Variants in PRKG1 observed in about 807,000 individuals in gnomAD.
The protein encoded by PRKG1 is protein kinase cGMP-dependent 1.
A neutral mutation model predicts 88.1 loss-of-function variants in PRKG1; 35 were observed. The ratio of observed to expected loss-of-function variants is 0.40; its 90% CI spans 0.30 to 0.53. The LOEUF is 0.53. PRKG1 is among the 20% of genes least tolerant of loss of function. The pLI is 0.59. For synonymous variants in PRKG1, 303 were observed against 292.5 expected (o/e 1.04, Z -0.37); for missense variants, 540 against 839.8 (o/e 0.64, Z 4.41).
intron 4 of PRKG1, among the ~76,000 whole-genome samples, chr10:51,834,240 A>G (rs530880645): frequency 3.3e-5 from 5 of 152,244 alleles, no homozygotes; most frequent in African/African-American, 4.8e-5. Flanking sequence ...CATCTTTATG[A>G]TACCTCCTGC....
chr10:51,684,647 T>G (rs184563493), intron 3 of PRKG1, among the ~76,000 whole-genome samples: 19 of 151,990 alleles, frequency 1.3e-4, no homozygotes, highest in Admixed American at 2.0e-4. Flanking sequence ...GGGCAACAGA[T>G]AGTTTGAGCT....
At chr10:51,350,400 T>G (rs1043480376) in intron 2 of PRKG1, among the ~76,000 whole-genome samples, 7 of 152,172 alleles carry the variant, frequency 4.6e-5, no homozygotes, top group Non-Finnish European at 1.0e-4. Context: ...GGATGCTAAC[T>G]AAATAACTCA....
At chr10:52,094,075 T>C (rs889294419) in intron 7 of PRKG1, among the ~76,000 whole-genome samples, 13 of 152,152 alleles carry the variant, frequency 8.5e-5, no homozygotes, top group African/African-American at 3.1e-4. Context: ...AAGAAAATCA[T>C]ACAAACTGGG....
intron 9 of PRKG1, among the ~76,000 whole-genome samples, chr10:52,181,153 G>A (rs1402611775): frequency 6.6e-6 from 1 of 152,138 alleles, no homozygotes; most frequent in Non-Finnish European, 1.5e-5. Context: ...CTCAGGACCA[G>A]AATGGGGTTT....
chr10:52,185,060 A>G (rs1028921672), intron 9 of PRKG1: 2 of 152,234 alleles, frequency 1.3e-5, no homozygotes, highest in African/African-American at 4.8e-5. Context: ...ATTGCAAAAT[A>G]TAATCCTCCC....
Position 52,089,804 on chromosome 10 carries a change from C to CTTTTTTTTTTTTTTTTTTTTTT in PRKG1, c.935+27176_935+27197dup, listed in dbSNP as rs397846439. Among the ~76,000 whole-genome samples the CTTTTTTTTTTTTTTTTTTTTTT allele has an allele frequency of 1.3e-3, 86 of 67,734 alleles. 10 individuals are homozygous for CTTTTTTTTTTTTTTTTTTTTTT. The highest frequency in any genetic ancestry group is 4.5e-3 in the East Asian group (7 of 1,564). 44.4% of individuals were successfully genotyped at this position (67,734 alleles called of 152,430 possible). A position where few individuals can be genotyped will look rare whatever the true frequency, so the allele number is the denominator to read the frequency against. On this transcript the variant is annotated intron_variant, in intron 7 of 17. Transcript: ENST00000373980. ...GGCTTAGATTATTGTTTCTTTCCTT[C>CTTTTTTTTTTTTTTTTTTTTTT]TTTTTTTTTTTTTTTTTTTTTTTTG...
chr10:51,259,765 C>T lies in PRKG1; in HGVS notation c.478+106435C>T, dbSNP rs993637250. Among the ~76,000 whole-genome samples the T allele has an allele frequency of 1.4e-4, 22 of 152,262 alleles. No homozygotes were observed. The East Asian group carries it at 2.5e-3, about 17-fold the overall frequency. On this transcript the variant is annotated intron_variant, in intron 2 of 17. Transcript: ENST00000373980. ...TGCTGCGATTACAGGCATGAGCCACCGCGCCTGGCCCTCATCCCTTTTTTA... is the reference window on the plus strand; with the variant it reads ...TGCTGCGATTACAGGCATGAGCCACTGCGCCTGGCCCTCATCCCTTTTTTA...
intron 5 of PRKG1, among the ~76,000 whole-genome samples, chr10:51,949,989 T>C: frequency 6.6e-6 from 1 of 152,190 alleles, no homozygotes; most frequent in East Asian, 1.9e-4. Flanking sequence ...AGGAAGGTGA[T>C]AGCTGCTACA....
intron 4 of PRKG1, among the ~76,000 whole-genome samples, chr10:51,817,162 G>C (rs1022123126): frequency 7.9e-5 from 12 of 151,960 alleles, no homozygotes; most frequent in Non-Finnish European, 1.5e-4. Flanking sequence ...TTGGGGCAGC[G>C]GGGCCCAAAG....
At chr10:51,408,105 A>T (rs973685616) in intron 2 of PRKG1, among the ~76,000 whole-genome samples, 1 of 152,154 alleles carries the variant, frequency 6.6e-6, no homozygotes, top group African/African-American at 2.4e-5. Flanking sequence ...TGCCACTTCC[A>T]CTTCCACCCC....
intron 2 of PRKG1, among the ~76,000 whole-genome samples, chr10:51,354,588 A>G (rs1417348118): frequency 1.3e-5 from 2 of 152,172 alleles, no homozygotes; most frequent in African/African-American, 2.4e-5. Flanking sequence ...GTAAAAATCA[A>G]CTACACACTG....
chr10:51,132,104 T>TA (rs537947724), intron 1 of PRKG1, among the ~76,000 whole-genome samples: 150 of 152,070 alleles, frequency 9.9e-4, no homozygotes, highest in Non-Finnish European at 1.8e-3. Context: ...TTTGAAGTAT[T>TA]AAAAAAAATG....
At chr10:51,996,176 G>A (rs749462188) in intron 5 of PRKG1, among the ~76,000 whole-genome samples, 3 of 151,810 alleles carry the variant, frequency 2.0e-5, no homozygotes, top group Non-Finnish European at 4.4e-5. Flanking sequence ...AGCCGGGCAC[G>A]TGGTGGCGCA....
At chr10:51,230,739 G>T (rs1838822543) in intron 2 of PRKG1, among the ~76,000 whole-genome samples, 1 of 151,826 alleles carries the variant, frequency 6.6e-6, no homozygotes, top group African/African-American at 2.4e-5. Context: ...GCAAGTAAAT[G>T]CTATGTAAAT....
chr10:51,074,942 C>G (rs1441831804), intron 1 of PRKG1, 41 bp downstream of exon 1: 1 of 1,535,508 alleles, frequency 6.5e-7, no homozygotes, highest in Non-Finnish European at 8.8e-7. Context: ...GGCGCCCTGG[C>G]GATGGGGAGC....
intron 1 of PRKG1, among the ~76,000 whole-genome samples, chr10:51,152,518 C>T (rs1846098340): frequency 6.6e-6 from 1 of 151,960 alleles, no homozygotes; most frequent in Non-Finnish European, 1.5e-5. Flanking sequence ...CTGAAGGTAA[C>T]ATTATATTCA....
At chr10:51,848,063 G>T (rs200702395) in intron 4 of PRKG1, among the ~76,000 whole-genome samples, 37 of 151,972 alleles carry the variant, frequency 2.4e-4, no homozygotes, top group African/African-American at 6.5e-4. Flanking sequence ...GTGATAACCG[G>T]GGACCAAATG....
At chr10:52,132,003 CAG>C (rs1458827763) in intron 7 of PRKG1, among the ~76,000 whole-genome samples, 1 of 151,314 alleles carries the variant, frequency 6.6e-6, no homozygotes, top group African/African-American at 2.4e-5. Context: ...TTTTAAAAAA[CAG>C]GGCAACCAGT....
chr10:51,800,418 T>C (rs1390521223), intron 3 of PRKG1, among the ~76,000 whole-genome samples: 1 of 152,102 alleles, frequency 6.6e-6, no homozygotes, highest in Admixed American at 6.6e-5. Flanking sequence ...ATCATAGCTT[T>C]GGCTAGCCTA....
Sources: allele counts gnomAD v4.1 joint callset (sites outside exome capture counted in the v4.1 genomes callset), GRCh38; gene constraint gnomAD v4.1.1; transcripts MANE v1.5; gene names NCBI Gene and HGNC (gene_info 2026-07-23, HGNC 2026-07-21).